CDK5RAP2: variants seen among roughly 807,000 people sequenced by gnomAD.
CDK5RAP2 encodes CDK5 regulatory subunit-associated protein 2.
A neutral mutation model predicts 232.9 loss-of-function variants in CDK5RAP2; 147 were observed. The observed-to-expected ratio is 0.63, with a 90% CI of 0.55 to 0.72. The LOEUF is 0.72. CDK5RAP2 is among the 30% of genes least tolerant of loss of function. CDK5RAP2 has a pLI of 0.00. For synonymous variants in CDK5RAP2, 833 were observed against 833.7 expected (o/e 1.00, Z 0.01); for missense variants, 2,195 against 2,231.5 (o/e 0.98, Z 0.33).
chr9:120,412,981 G>A (rs548571209), intron 28 of CDK5RAP2, among the ~76,000 whole-genome samples: 1 of 152,320 alleles, frequency 6.6e-6, no homozygotes, highest in South Asian at 2.1e-4. Flanking sequence ...CTTAATAGCT[G>A]CATGACCTCA....
intron 14 of CDK5RAP2, among the ~76,000 whole-genome samples, chr9:120,486,182 G>A (rs1027493444): frequency 2.6e-5 from 4 of 152,098 alleles, no homozygotes; most frequent in Non-Finnish European, 5.9e-5. Context: ...TTAAACTACA[G>A]GGTTGGTGCC....
At chr9:120,389,374 G>C (rs538850111) in intron 37 of CDK5RAP2, 82 bp from the exon 38 acceptor site, 1 of 1,095,102 alleles carries the variant, frequency 9.1e-7, no homozygotes, top group Non-Finnish European at 1.4e-6. Context: ...GTGAAAGCGA[G>C]ACTGTTATTC....
chr9:120,517,893 CA>C (rs748203571), intron 12 of CDK5RAP2: 194 of 327,236 alleles, frequency 5.9e-4, no homozygotes, highest in South Asian at 1.1e-3. Context: ...GACCCTGTCT[CA>C]AAAAAAACAA....
intron 36 of CDK5RAP2, chr9:120,390,008 C>T (rs904732710): frequency 1.1e-5 from 6 of 569,380 alleles, no homozygotes; most frequent in Admixed American, 2.5e-5. Flanking sequence ...TTTGAGGCCC[C>T]GCTAAGCCAC....
chr9:120,457,858 C>G (rs2036868630), intron 20 of CDK5RAP2, among the ~76,000 whole-genome samples: 1 of 152,156 alleles, frequency 6.6e-6, no homozygotes, highest in South Asian at 2.1e-4. Context: ...AGAGATAAAA[C>G]CACAGCTCTT....
In CDK5RAP2 at chr9:120,460,563, G is replaced by A. The variant is rs767235301; in HGVS notation, c.2202+9C>T. On this transcript the variant is annotated intron_variant, in intron 19 of 37. Transcript: ENST00000349780. Reference sequence around the variant, plus strand: ...AGATGAAATAAGGAGTTAACTGAAAGGTTCCTACCTCATTACTCTGCTGCA... The same window carrying A: ...AGATGAAATAAGGAGTTAACTGAAAAGTTCCTACCTCATTACTCTGCTGCA... 4.3e-6 allele frequency: 7 copies of A among 1,613,076 alleles called. No homozygotes were observed. The East Asian group carries it at 8.9e-5, about 21-fold the overall frequency.
At chr9:120,494,901 C>T (rs1259178711) in intron 12 of CDK5RAP2, among the ~76,000 whole-genome samples, 5 of 144,798 alleles carry the variant, frequency 3.5e-5, no homozygotes, top group South Asian at 4.2e-4. Context: ...AGGACAGTCG[C>T]GGCGCTGACG....
At chr9:120,400,175 A>G (rs1441778494) in intron 35 of CDK5RAP2, among the ~76,000 whole-genome samples, 1 of 152,150 alleles carries the variant, frequency 6.6e-6, no homozygotes, top group Admixed American at 6.5e-5. Flanking sequence ...CACCACATGC[A>G]TCCCACACAC....
chr9:120,552,565 C>T (rs538293777), intron 3 of CDK5RAP2, among the ~76,000 whole-genome samples: 1 of 151,814 alleles, frequency 6.6e-6, no homozygotes, highest in South Asian at 2.1e-4. Context: ...AAGCTGGAAA[C>T]CAACATTCTC....
At chr9:120,452,479 C>T (rs761988097) in intron 21 of CDK5RAP2, among the ~76,000 whole-genome samples, 15 of 151,890 alleles carry the variant, frequency 9.9e-5, no homozygotes, top group Admixed American at 4.6e-4. Flanking sequence ...AAATACAAAA[C>T]ACCCATCAGA....
intron 8 of CDK5RAP2, 131 bp downstream of exon 8, chr9:120,529,847 C>T: frequency 8.0e-6 from 7 of 879,522 alleles, no homozygotes; most frequent in South Asian, 5.4e-5. Context: ...CTGCTCACTC[C>T]TCAGCTGACA....
intron 37 of CDK5RAP2, 113 bp from the exon 38 acceptor site, chr9:120,389,405 T>G (rs1363688877): frequency 3.7e-6 from 3 of 813,924 alleles, no homozygotes; most frequent in Non-Finnish European, 6.2e-6. Flanking sequence ...TTCAAAAACA[T>G]AGTTTGGTCA....
intron 7 of CDK5RAP2, among the ~76,000 whole-genome samples, chr9:120,533,967 A>T (rs1274795908): frequency 6.6e-6 from 1 of 151,976 alleles, no homozygotes; most frequent in Non-Finnish European, 1.5e-5. Flanking sequence ...CACTTTGGTC[A>T]CCATCAGCTC....
chr9:120,571,938 C>T, intron 2 of CDK5RAP2, 36 bp downstream of exon 2: 1 of 1,547,372 alleles, frequency 6.5e-7, no homozygotes, highest in African/African-American at 1.4e-5. Context: ...TTTCCTTGTT[C>T]TTTACTCAAG....
At chr9:120,521,071 T>C (rs1250775467) in intron 11 of CDK5RAP2, among the ~76,000 whole-genome samples, 2 of 152,182 alleles carry the variant, frequency 1.3e-5, no homozygotes, top group Non-Finnish European at 2.9e-5. Flanking sequence ...ACTTTTCCTT[T>C]ACCTACTCCA....
intron 12 of CDK5RAP2, among the ~76,000 whole-genome samples, chr9:120,516,511 TATA>T (rs2040348054): frequency 6.6e-6 from 1 of 151,858 alleles, no homozygotes; most frequent in Non-Finnish European, 1.5e-5. Context: ...AAACTTAAAG[TATA>T]ATAATAAAAA....
At chr9:120,423,364 A>G (rs980799873) in intron 25 of CDK5RAP2, among the ~76,000 whole-genome samples, 7 of 152,222 alleles carry the variant, frequency 4.6e-5, no homozygotes, top group African/African-American at 1.7e-4. Context: ...ATCTTTGTGC[A>G]TACAGCTTTA....
rs751378597 is a variant in CDK5RAP2, at chr9:120,443,671, C to T, written c.3097G>A (p.Val1033Ile). ...CTGTCCATTTCCTTGTCTCTCCAGA[C>T]AGAAGATGTGGTTTTAATTCCTTTC... Reference protein sequence around the residue: ...EQKGIKTTSSVWRDKEMDSDQ... With the variant: ...EQKGIKTTSSIWRDKEMDSDQ... Residue 1033 changes from valine (V) to isoleucine (I), a missense_variant, in exon 23 of 38, where the codon GTC (valine) becomes ATC (isoleucine). Val to Ile is a conservative substitution (Grantham distance 29, BLOSUM62 3). Coordinates refer to ENST00000349780, the MANE Select transcript of CDK5RAP2 (RefSeq NM_018249.6). 6.2e-7 allele frequency: 1 copy of T among 1,614,022 alleles called. No individual in the cohort carries two copies.
chr9:120,552,441 G>C (rs1020860119), intron 3 of CDK5RAP2, among the ~76,000 whole-genome samples: 7 of 152,050 alleles, frequency 4.6e-5, no homozygotes, highest in Non-Finnish European at 7.4e-5. Flanking sequence ...TTGGAACCAA[G>C]CCAAATGTCC....
Sources: gnomAD v4.1 joint callset for allele counts (sites outside exome capture counted in the v4.1 genomes callset) on GRCh38, gnomAD v4.1.1 for gene constraint, MANE v1.5 for transcripts, NCBI Gene and HGNC (gene_info 2026-07-23, HGNC 2026-07-21) for gene names.